SH2D4B: variants seen among roughly 807,000 people sequenced by gnomAD.
The protein encoded by SH2D4B is SH2 domain containing 4B.
A neutral mutation model predicts 61.5 loss-of-function variants in SH2D4B; 45 were observed. That is an observed-to-expected ratio of 0.73 (90% CI 0.58 to 0.94). The LOEUF (loss-of-function observed/expected upper bound fraction) is 0.94, where lower values mean the gene tolerates loss of function less well. Ranked by LOEUF, SH2D4B falls within the 40% of genes least tolerant of loss-of-function variation. The pLI, the probability that SH2D4B is intolerant of heterozygous loss-of-function variation, is 0.00. For synonymous variants in SH2D4B, 224 were observed against 220.4 expected, an observed-to-expected ratio of 1.02 and a Z score of -0.14; for missense variants, 572 against 574.2, an observed-to-expected ratio of 1.00 and a Z score of 0.04.
Position 80,538,659 on chromosome 10 carries a change from A to T in SH2D4B, c.184+144A>T. The stretch of plus-strand genomic sequence containing the variant: ...TTGAAACCCTTGTCTTGTGGGCATC[A>T]GGTCCCATGAGCCTGTGCTTTTGCC... On this transcript the variant is annotated intron_variant, in intron 1 of 7. Coordinates refer to ENST00000646907, the MANE Select transcript of SH2D4B (RefSeq NM_001388272.1). This position sits in a 1 kb window ranked among gnomAD's most constrained non-coding sequence, Gnocchi z 4.8. The T allele has an allele frequency of 1.5e-6, 1 of 683,208 alleles. No homozygotes were observed. The highest frequency in any genetic ancestry group is 2.1e-6 in the Non-Finnish European group (1 of 472,750). The allele number at this position is 683,208 out of a possible 1,614,324, so 42.3% of individuals were successfully genotyped here.
At chr10:80,579,464 C>G (rs1034688518) in intron 3 of SH2D4B, among the ~76,000 whole-genome samples, 2 of 152,094 alleles carry the variant, frequency 1.3e-5, no homozygotes, top group African/African-American at 4.8e-5. Context: ...TTCTTAACTC[C>G]TAAAATTGCT....
At chr10:80,621,518 T>G (rs1332282589) in intron 6 of SH2D4B, among the ~76,000 whole-genome samples, 1 of 152,206 alleles carries the variant, frequency 6.6e-6, no homozygotes, top group Non-Finnish European at 1.5e-5. Flanking sequence ...AGTTTAACTG[T>G]GATTTTCTAG....
At chr10:80,545,465 T>G (rs1386997841) in intron 1 of SH2D4B, among the ~76,000 whole-genome samples, 1 of 152,018 alleles carries the variant, frequency 6.6e-6, no homozygotes, top group African/African-American at 2.4e-5. Flanking sequence ...TTTCTTCTTC[T>G]CCTTTTTCTC....
chr10:80,556,266 C>T (rs1051425238), intron 1 of SH2D4B, among the ~76,000 whole-genome samples: 5 of 152,124 alleles, frequency 3.3e-5, no homozygotes, highest in Non-Finnish European at 5.9e-5. Flanking sequence ...TTTCAGGACT[C>T]TCCATACTAT....
intron 6 of SH2D4B, among the ~76,000 whole-genome samples, chr10:80,614,832 T>C (rs1210271730): frequency 1.3e-5 from 2 of 152,256 alleles, no homozygotes; most frequent in South Asian, 2.1e-4. Context: ...CCTGGGAGTC[T>C]GTGGGCTGAG....
chr10:80,617,926 G>A (rs1348903031), intron 6 of SH2D4B, among the ~76,000 whole-genome samples: 1 of 152,232 alleles, frequency 6.6e-6, no homozygotes, highest in African/African-American at 2.4e-5. Context: ...TTGGGTCTGG[G>A]TTGGTCATAT....
chr10:80,572,387 G>A (rs924141255), intron 3 of SH2D4B, among the ~76,000 whole-genome samples: 15 of 152,128 alleles, frequency 9.9e-5, no homozygotes, highest in Admixed American at 9.2e-4. Flanking sequence ...TTCCGGTAAC[G>A]TTGAGCTTTT....
At chr10:80,607,420 G>A (rs1842532569) in intron 5 of SH2D4B, 1 of 152,316 alleles carries the variant, frequency 6.6e-6, no homozygotes, top group Non-Finnish European at 1.5e-5. Context: ...CTCTCTGTAG[G>A]GCTGTAGGGG....
At chr10:80,544,568 C>A (rs1157755047) in intron 1 of SH2D4B, among the ~76,000 whole-genome samples, 1 of 152,248 alleles carries the variant, frequency 6.6e-6, no homozygotes, top group Non-Finnish European at 1.5e-5. Flanking sequence ...ACCTTGCCTG[C>A]TGGGCTTGGG....
chr10:80,546,586 C>T lies in SH2D4B; in HGVS notation c.184+8071C>T, dbSNP rs188062248. ...TTTTGCCCAGGCCGGACTGCAGTGG[C>T]GCTATCTTGGCTCACTGCAAGCTCC... On this transcript the variant is annotated intron_variant, in intron 1 of 7. Coordinates refer to ENST00000646907, the MANE Select transcript of SH2D4B (RefSeq NM_001388272.1). Among the ~76,000 whole-genome samples, 370 of 147,980 alleles carry T rather than the reference C, an allele frequency of 2.5e-3. 3 individuals are homozygous for T. Among genetic ancestry groups the T allele is most frequent in the Admixed American group, 8.2e-3 (120 of 14,688 alleles).
At chr10:80,559,967 T>C (rs1841883021) in intron 1 of SH2D4B, among the ~76,000 whole-genome samples, 1 of 151,584 alleles carries the variant, frequency 6.6e-6, no homozygotes, top group Admixed American at 6.6e-5. Flanking sequence ...TATATAGTAC[T>C]GTATTTTTAA....
chr10:80,619,552 C>T (rs1026913173), intron 6 of SH2D4B, among the ~76,000 whole-genome samples: 2 of 152,258 alleles, frequency 1.3e-5, no homozygotes, highest in African/African-American at 4.8e-5. Context: ...CCTCAGTTCC[C>T]TTAATTATAA....
At chr10:80,639,415 A>T (rs758379087) in intron 7 of SH2D4B, among the ~76,000 whole-genome samples, 14 of 152,146 alleles carry the variant, frequency 9.2e-5, no homozygotes, top group Non-Finnish European at 1.9e-4. Context: ...ATTGTGTGGG[A>T]GTCTAAGTCT....
chr10:80,607,447 A>C (rs1459614909), intron 5 of SH2D4B: 1 of 152,298 alleles, frequency 6.6e-6, no homozygotes, highest in Non-Finnish European at 1.5e-5. Context: ...GAAAGCCCAG[A>C]GTGGCAGCGA....
intron 3 of SH2D4B, among the ~76,000 whole-genome samples, chr10:80,587,835 C>G (rs2132129650): frequency 6.6e-6 from 1 of 152,296 alleles, no homozygotes; most frequent in Admixed American, 6.5e-5. Context: ...TAAGTGAGAA[C>G]ATGCAGTGTT....
chr10:80,589,492 T>C (rs1426608176), intron 4 of SH2D4B, among the ~76,000 whole-genome samples: 2 of 152,110 alleles, frequency 1.3e-5, no homozygotes, highest in Non-Finnish European at 2.9e-5. Context: ...TGAGCCATGA[T>C]TGTGCCACAG....
intron 3 of SH2D4B, among the ~76,000 whole-genome samples, chr10:80,586,566 G>A (rs921342266): frequency 7.2e-5 from 11 of 152,122 alleles, no homozygotes; most frequent in Admixed American, 1.3e-4. Flanking sequence ...GGGACGTGGA[G>A]AACCTTTGTG....
intron 3 of SH2D4B, among the ~76,000 whole-genome samples, chr10:80,587,659 T>G (rs776096840): frequency 1.3e-5 from 2 of 152,156 alleles, no homozygotes; most frequent in African/African-American, 4.8e-5. Flanking sequence ...TGTGTGATGC[T>G]GAAGTAAGGG....
At chr10:80,604,133 G>C (rs1233016797) in intron 5 of SH2D4B, among the ~76,000 whole-genome samples, 6 of 152,196 alleles carry the variant, frequency 3.9e-5, no homozygotes, top group African/African-American at 1.4e-4. Context: ...AGGGCCTCCG[G>C]CTAAGAACTT....
Sources: allele counts gnomAD v4.1 joint callset (sites outside exome capture counted in the v4.1 genomes callset), GRCh38; gene constraint gnomAD v4.1.1; non-coding constraint Gnocchi (gnomAD v3.1); transcripts MANE v1.5; gene names NCBI Gene and HGNC (gene_info 2026-07-23, HGNC 2026-07-21).